The following CSMD2 variants were observed in gnomAD, a reference collection of about 807,000 sequenced individuals.
CSMD2 encodes the protein CUB and sushi domain-containing protein 2.
CSMD2 carries 130 observed loss-of-function variants against 398.5 expected under a neutral mutation model. The observed-to-expected ratio is 0.33, with a 90% CI of 0.28 to 0.38. The LOEUF is 0.38. CSMD2 is among the 10% of genes least tolerant of loss of function. The pLI is 1.00. For missense variants in CSMD2, 3,829 were observed against 4,764.9 expected, an observed-to-expected ratio of 0.80 and a Z score of 5.78; for synonymous variants, 1,828 against 1,908.5, an observed-to-expected ratio of 0.96 and a Z score of 1.10.
intron 21 of CSMD2, among the ~76,000 whole-genome samples, chr1:33,709,968 C>G (rs1328022045): frequency 6.6e-6 from 1 of 152,200 alleles, no homozygotes; most frequent in Non-Finnish European, 1.5e-5. Context: ...CATTCAACAG[C>G]TAATGAAATC....
At chr1:34,071,012 C>G (rs975203110) in intron 2 of CSMD2, among the ~76,000 whole-genome samples, 12 of 151,680 alleles carry the variant, frequency 7.9e-5, no homozygotes, top group Admixed American at 6.5e-4. Flanking sequence ...AGTTAAGAGC[C>G]CTTTGGGTTA....
intron 13 of CSMD2, among the ~76,000 whole-genome samples, chr1:33,752,999 C>T (rs746162779): frequency 1.3e-5 from 2 of 152,200 alleles, no homozygotes; most frequent in African/African-American, 4.8e-5. Flanking sequence ...CTGCTTCTAA[C>T]AGCTCATGAT....
At chr1:33,705,502 A>C (rs1645745213) in intron 22 of CSMD2, among the ~76,000 whole-genome samples, 1 of 151,806 alleles carries the variant, frequency 6.6e-6, no homozygotes. Flanking sequence ...ATGGTTCTTT[A>C]TTTTTCTCTC....
At chr1:33,720,112 G>A (rs1316405980) in intron 19 of CSMD2, among the ~76,000 whole-genome samples, 3 of 152,192 alleles carry the variant, frequency 2.0e-5, no homozygotes, top group Non-Finnish European at 2.9e-5. Context: ...CTGTTAACCC[G>A]AGATACTCTT....
intron 5 of CSMD2, among the ~76,000 whole-genome samples, chr1:33,905,113 A>G (rs1212565247): frequency 6.6e-6 from 1 of 152,048 alleles, no homozygotes; most frequent in Non-Finnish European, 1.5e-5. Flanking sequence ...CGATATGTTC[A>G]TTTTAAGATT....
At chr1:33,775,688 T>C (rs1266355093) in intron 12 of CSMD2, among the ~76,000 whole-genome samples, 2 of 152,084 alleles carry the variant, frequency 1.3e-5, no homozygotes, top group Non-Finnish European at 2.9e-5. Context: ...GACCTCCAAG[T>C]GGAAATATCT....
intron 1 of CSMD2, among the ~76,000 whole-genome samples, chr1:34,100,730 A>G (rs1659856362): frequency 6.6e-6 from 1 of 152,192 alleles, no homozygotes; most frequent in South Asian, 2.1e-4. Context: ...CTATTGTCAA[A>G]CATTTAAATT....
At position 34,130,230 on chromosome 1, in the gene CSMD2, T is replaced by C. The variant is rs184037328; in HGVS notation, c.187+34681A>G. 7.2e-5 allele frequency among the ~76,000 whole-genome samples: 11 copies of C among 151,986 alleles called. No individual in the cohort carries two copies. In the East Asian group the frequency reaches 1.2e-3, roughly 16 times the overall value. On this transcript the variant is annotated intron_variant, in intron 1 of 70. Coordinates refer to ENST00000373381, the MANE Select transcript of CSMD2 (RefSeq NM_001281956.2). The stretch of plus-strand genomic sequence containing the variant: ...ACAGTAGATCATATAATGAGCATGA[T>C]CAGAGCTATGAAGAAGGTGATGTAG...
intron 10 of CSMD2, among the ~76,000 whole-genome samples, chr1:33,798,388 T>C (rs1213692709): frequency 6.6e-6 from 1 of 152,208 alleles, no homozygotes; most frequent in Non-Finnish European, 1.5e-5. Context: ...TGCCTGACAA[T>C]TTAGAGTAGA....
chr1:34,021,180 A>G (rs1648821622), intron 3 of CSMD2, among the ~76,000 whole-genome samples: 1 of 152,202 alleles, frequency 6.6e-6, no homozygotes, highest in Non-Finnish European at 1.5e-5. Flanking sequence ...GAAATATTCA[A>G]TTTGACACTT....
intron 3 of CSMD2, among the ~76,000 whole-genome samples, chr1:34,017,270 C>T (rs369975717): frequency 6.6e-6 from 1 of 152,194 alleles, no homozygotes; most frequent in South Asian, 2.1e-4. Flanking sequence ...AACATCTTTC[C>T]ATTGGACATT....
At chr1:33,722,629 T>C (rs924715106) in intron 19 of CSMD2, among the ~76,000 whole-genome samples, 2 of 152,222 alleles carry the variant, frequency 1.3e-5, no homozygotes, top group Non-Finnish European at 2.9e-5. Context: ...CCTAAAAATT[T>C]TAAAGAACTC....
At chr1:33,673,895 C>T (rs1468864642) in intron 25 of CSMD2, among the ~76,000 whole-genome samples, 4 of 152,182 alleles carry the variant, frequency 2.6e-5, no homozygotes, top group Non-Finnish European at 4.4e-5. Context: ...AAATCCTTTA[C>T]AGACAAGCAA....
chr1:33,676,730 C>T (rs572516944), intron 25 of CSMD2, among the ~76,000 whole-genome samples: 124 of 152,240 alleles, frequency 8.1e-4, no homozygotes, highest in African/African-American at 2.6e-3. Context: ...CTACAGTAAC[C>T]AAAACAGCAT....
chr1:33,847,027 G>C, intron 5 of CSMD2, 31 bp from the exon 6 acceptor site: 2 of 1,480,792 alleles, frequency 1.4e-6, no homozygotes, highest in Non-Finnish European at 1.9e-6. Flanking sequence ...TGGGCTCAGG[G>C]ACCAGAGCTG....
At chr1:34,081,817 G>C (rs1405149422) in intron 2 of CSMD2, among the ~76,000 whole-genome samples, 1 of 152,078 alleles carries the variant, frequency 6.6e-6, no homozygotes, top group Non-Finnish European at 1.5e-5. Flanking sequence ...CTGCATGGCC[G>C]CCACCCCGTC....
intron 3 of CSMD2, among the ~76,000 whole-genome samples, chr1:34,031,941 T>C (rs1650497800): frequency 6.6e-6 from 1 of 152,246 alleles, no homozygotes; most frequent in Non-Finnish European, 1.5e-5. Flanking sequence ...ATTAATGAGA[T>C]GTAAATTTCC....
At chr1:33,691,017 A>G (rs537616642) in intron 25 of CSMD2, among the ~76,000 whole-genome samples, 61 of 152,308 alleles carry the variant, frequency 4.0e-4, no homozygotes, top group Non-Finnish European at 6.0e-4. Flanking sequence ...GTGAGCTGAC[A>G]TTTGCACTTG....
intron 4 of CSMD2, among the ~76,000 whole-genome samples, chr1:33,930,667 T>C (rs1037757834): frequency 6.6e-6 from 1 of 152,166 alleles, no homozygotes; most frequent in Non-Finnish European, 1.5e-5. Flanking sequence ...CAGAGGCCTG[T>C]TGCTGAAATC....
Sources: gnomAD v4.1 joint callset for allele counts (sites outside exome capture counted in the v4.1 genomes callset) on GRCh38, gnomAD v4.1.1 for gene constraint, MANE v1.5 for transcripts, NCBI Gene and HGNC (gene_info 2026-07-23, HGNC 2026-07-21) for gene names.